The following GALNTL6 variants were observed in gnomAD, a reference collection of about 807,000 sequenced individuals.
GALNTL6 encodes the protein polypeptide N-acetylgalactosaminyltransferase-like 6.
GALNTL6 carries 46 observed loss-of-function variants against 73.7 expected under a neutral mutation model. The observed-to-expected ratio is 0.62, with a 90% CI of 0.49 to 0.80. GALNTL6 has a LOEUF of 0.80. GALNTL6 is among the 30% of genes least tolerant of loss of function. The pLI, the probability that GALNTL6 is intolerant of heterozygous loss-of-function variation, is 0.00. For synonymous variants in GALNTL6, 259 were observed against 263.7 expected, an observed-to-expected ratio of 0.98 and a Z score of 0.17; for missense variants, 604 against 755.0, an observed-to-expected ratio of 0.80 and a Z score of 2.34.
In GALNTL6 at chr4:172,809,255, C is replaced by A; in HGVS notation, c.554-106C>A. ...CTAGATGAGGAGACAAGAATGTTAC[C>A]CCAGGATTCATCAGTCACATACTCT... is the stretch of plus-strand genomic sequence containing the variant. On this transcript the variant is annotated intron_variant, in intron 5 of 12. Transcript: ENST00000506823. The surrounding 1 kb of genome is among the most constrained non-coding windows in gnomAD (Gnocchi z 4.4). The A allele has an allele frequency of 1.2e-6, 1 of 831,574 alleles. No homozygotes were observed. The highest frequency in any genetic ancestry group is 1.7e-5 in the South Asian group (1 of 58,874). 51.5% of individuals were successfully genotyped at this position (831,574 alleles called of 1,614,324 possible). A position where few individuals can be genotyped will look rare whatever the true frequency, so the allele number is the denominator to read the frequency against.
At chr4:172,193,054 A>T (rs914274032) in intron 2 of GALNTL6, among the ~76,000 whole-genome samples, 1 of 152,238 alleles carries the variant, frequency 6.6e-6, no homozygotes, top group Non-Finnish European at 1.5e-5. Flanking sequence ...GGGCAGTGGC[A>T]GTCTCTGCAG....
At chr4:171,851,287 T>G (rs1016007102) in intron 2 of GALNTL6, among the ~76,000 whole-genome samples, 2 of 152,214 alleles carry the variant, frequency 1.3e-5, no homozygotes, top group Non-Finnish European at 2.9e-5. Context: ...TGTCACTTCT[T>G]ATTGTTTTCT....
intron 2 of GALNTL6, among the ~76,000 whole-genome samples, chr4:171,853,712 A>T (rs1735596750): frequency 7.0e-6 from 1 of 143,050 alleles, no homozygotes; most frequent in African/African-American, 2.6e-5. Context: ...CCTAGGTCCA[A>T]GCGATTCTCC....
intron 3 of GALNTL6, among the ~76,000 whole-genome samples, chr4:172,277,539 G>A (rs973060043): frequency 5.3e-5 from 8 of 152,246 alleles, no homozygotes; most frequent in African/African-American, 1.4e-4. Context: ...TTTGTTTCAC[G>A]TAATTCAACC....
intron 4 of GALNTL6, among the ~76,000 whole-genome samples, chr4:172,342,024 G>A (rs921325173): frequency 9.2e-5 from 14 of 152,130 alleles, no homozygotes; most frequent in Non-Finnish European, 1.5e-4. Context: ...TGTGCATAGT[G>A]GACACTATTT....
chr4:172,158,945 C>T (rs1734368656), intron 2 of GALNTL6, among the ~76,000 whole-genome samples: 1 of 152,192 alleles, frequency 6.6e-6, no homozygotes, highest in South Asian at 2.1e-4. Context: ...TGATCACCTT[C>T]AGTAAACTAT....
intron 5 of GALNTL6, among the ~76,000 whole-genome samples, chr4:172,440,493 G>A (rs1731792372): frequency 6.6e-6 from 1 of 152,064 alleles, no homozygotes; most frequent in Non-Finnish European, 1.5e-5. Flanking sequence ...TGGGAGGGTT[G>A]ACTAGGCAGA....
chr4:172,970,516 C>G (rs113544561), intron 10 of GALNTL6, among the ~76,000 whole-genome samples: 18,087 of 152,186 alleles, frequency 0.12, 1,508 homozygotes, highest in Admixed American at 0.25. Context: ...GATATCTCTC[C>G]TACTTACATG....
At chr4:172,170,584 A>G (rs1309239822) in intron 2 of GALNTL6, among the ~76,000 whole-genome samples, 1 of 142,560 alleles carries the variant, frequency 7.0e-6, no homozygotes, top group Non-Finnish European at 1.5e-5. Context: ...ATCTGTGCTC[A>G]CTGCAACCTC....
intron 2 of GALNTL6, among the ~76,000 whole-genome samples, chr4:171,925,772 T>A (rs1412846188): frequency 6.6e-6 from 1 of 152,124 alleles, no homozygotes; most frequent in African/African-American, 2.4e-5. Flanking sequence ...TTTCTTTGTA[T>A]TGATGATAAT....
At chr4:172,000,312 G>T (rs570712103) in intron 2 of GALNTL6, among the ~76,000 whole-genome samples, 2 of 152,230 alleles carry the variant, frequency 1.3e-5, no homozygotes, top group South Asian at 4.2e-4. Flanking sequence ...AAATTGAATT[G>T]CCCAAAGAAT....
At chr4:172,609,295 C>A (rs923666846) in intron 5 of GALNTL6, among the ~76,000 whole-genome samples, 1 of 152,080 alleles carries the variant, frequency 6.6e-6, no homozygotes, top group South Asian at 2.1e-4. Context: ...ATAGATGGCT[C>A]TTATTATTCT....
chr4:171,871,652 A>G (rs528726317), intron 2 of GALNTL6, among the ~76,000 whole-genome samples: 2 of 151,728 alleles, frequency 1.3e-5, no homozygotes, highest in South Asian at 2.1e-4. Flanking sequence ...GGCTCTGTGC[A>G]TACTACCATT....
intron 2 of GALNTL6, among the ~76,000 whole-genome samples, chr4:172,129,472 T>C (rs995342756): frequency 7.9e-5 from 12 of 152,214 alleles, no homozygotes; most frequent in Non-Finnish European, 2.9e-5. Context: ...ATTTCATTTT[T>C]TAATTTATCT....
chr4:172,326,821 A>G (rs1428388825), intron 4 of GALNTL6, among the ~76,000 whole-genome samples: 2 of 151,920 alleles, frequency 1.3e-5, no homozygotes, highest in African/African-American at 2.4e-5. Flanking sequence ...TTTGAGGAGT[A>G]AAGTTGATAT....
chr4:172,163,759 A>T (rs1734541258), intron 2 of GALNTL6, among the ~76,000 whole-genome samples: 1 of 152,016 alleles, frequency 6.6e-6, no homozygotes, highest in Admixed American at 6.6e-5. Context: ...TCAGAAATGT[A>T]AGCCTCAATG....
chr4:172,017,881 G>C (rs2110794187), intron 2 of GALNTL6, among the ~76,000 whole-genome samples: 1 of 151,644 alleles, frequency 6.6e-6, no homozygotes, highest in Admixed American at 6.6e-5. Flanking sequence ...CCAAGCCATG[G>C]ATACAGGCAC....
chr4:172,997,387 T>C (rs974258150), intron 10 of GALNTL6, among the ~76,000 whole-genome samples: 4 of 152,154 alleles, frequency 2.6e-5, no homozygotes, highest in Non-Finnish European at 2.9e-5. Flanking sequence ...GTTGCAAACG[T>C]GAATGAAAAC....
intron 2 of GALNTL6, among the ~76,000 whole-genome samples, chr4:171,956,509 G>A (rs1174049547): frequency 6.6e-6 from 1 of 152,014 alleles, no homozygotes; most frequent in Admixed American, 6.6e-5. Context: ...CAATTGTGTT[G>A]CTGCCAATAC....
Sources: allele counts gnomAD v4.1 joint callset (sites outside exome capture counted in the v4.1 genomes callset), GRCh38; gene constraint gnomAD v4.1.1; non-coding constraint Gnocchi (gnomAD v3.1); transcripts MANE v1.5; gene names NCBI Gene and HGNC (gene_info 2026-07-23, HGNC 2026-07-21).